DENND1A: variants seen among roughly 807,000 people sequenced by gnomAD.
DENND1A encodes DENN domain containing 1A.
DENND1A carries 51 observed loss-of-function variants against 113.7 expected under a neutral mutation model. The ratio of observed to expected loss-of-function variants is 0.45; its 90% CI spans 0.36 to 0.57. DENND1A has a LOEUF of 0.57. Ranked by LOEUF, DENND1A falls within the 20% of genes least tolerant of loss-of-function variation. The pLI, the probability that DENND1A is intolerant of heterozygous loss-of-function variation, is 0.00. For missense variants in DENND1A, 1,258 were observed against 1,395.9 expected (o/e 0.90, Z 1.57); for synonymous variants, 565 against 570.8 (o/e 0.99, Z 0.14).
intron 2 of DENND1A, among the ~76,000 whole-genome samples, chr9:123,842,244 G>A (rs1470565427): frequency 6.6e-6 from 1 of 152,168 alleles, no homozygotes; most frequent in African/African-American, 2.4e-5. Context: ...AAATTATCTT[G>A]AAGATAAATG....
At chr9:123,418,155 G>A (rs188758994) in intron 19 of DENND1A, among the ~76,000 whole-genome samples, 297 of 152,320 alleles carry the variant, frequency 1.9e-3, no homozygotes, top group African/African-American at 6.9e-3. Context: ...TATGCTCCTA[G>A]GAACAGACAC....
At chr9:123,536,756 CGA>C (rs139570932) in intron 13 of DENND1A, among the ~76,000 whole-genome samples, 2 of 151,232 alleles carry the variant, frequency 1.3e-5, no homozygotes, top group African/African-American at 2.4e-5. Context: ...AGGACAGATA[CGA>C]GAGAGAGAGA....
At chr9:123,444,136 C>T (rs2047132837) in intron 18 of DENND1A, among the ~76,000 whole-genome samples, 1 of 152,186 alleles carries the variant, frequency 6.6e-6, no homozygotes, top group South Asian at 2.1e-4. Context: ...TCATACCCTT[C>T]TCATGGGAAT....
chr9:123,806,555 C>T (rs1835608920), intron 2 of DENND1A, among the ~76,000 whole-genome samples: 1 of 152,174 alleles, frequency 6.6e-6, no homozygotes, highest in African/African-American at 2.4e-5. Context: ...CCGTGCCCAG[C>T]CCTGACATAC....
chr9:123,660,008 T>TA (rs1414885358), intron 8 of DENND1A, among the ~76,000 whole-genome samples: 1 of 152,184 alleles, frequency 6.6e-6, no homozygotes, highest in African/African-American at 2.4e-5. Flanking sequence ...GCTATATATT[T>TA]AAAAAAACAT....
At chr9:123,624,963 T>C (rs2061134258) in intron 10 of DENND1A, among the ~76,000 whole-genome samples, 1 of 152,178 alleles carries the variant, frequency 6.6e-6, no homozygotes. Flanking sequence ...AAAACCATAC[T>C]TTTTCAGTGT....
intron 9 of DENND1A, among the ~76,000 whole-genome samples, chr9:123,637,754 G>C (rs2061779370): frequency 6.6e-6 from 1 of 152,166 alleles, no homozygotes; most frequent in Non-Finnish European, 1.5e-5. Context: ...GAAGGAAAGA[G>C]CAAACAGTGT....
chr9:123,536,761 G>A (rs995945278), intron 13 of DENND1A, among the ~76,000 whole-genome samples: 2 of 152,104 alleles, frequency 1.3e-5, no homozygotes, highest in Non-Finnish European at 2.9e-5. Flanking sequence ...AGATACGAGA[G>A]AGAGAGAGGA....
At chr9:123,887,456 T>A (rs1271175541) in intron 1 of DENND1A, among the ~76,000 whole-genome samples, 3 of 151,872 alleles carry the variant, frequency 2.0e-5, no homozygotes, top group African/African-American at 7.3e-5. Context: ...GGAAGGGTAT[T>A]CACGCACAGC....
At chr9:123,418,682 G>A (rs927971632) in intron 19 of DENND1A, among the ~76,000 whole-genome samples, 1 of 152,206 alleles carries the variant, frequency 6.6e-6, no homozygotes, top group African/African-American at 2.4e-5. Flanking sequence ...GGCACTTTCT[G>A]CTGCCGGTGC....
rs151238010 is a variant in DENND1A at position 123,570,244 on chromosome 9, C to T, written c.868-12549G>A. ...CAAATAATCTCCATACCTGAAGTGG[C>T]TATAGATCTGCCCATCTGGAAGACT... On this transcript the variant is annotated intron_variant, in intron 12 of 23. Transcript: ENST00000394215. 3.8e-3 allele frequency among the ~76,000 whole-genome samples: 579 copies of T among 152,262 alleles called. 1 individual carries two copies. Among genetic ancestry groups the T allele is most frequent in the African/African-American group, 0.013 (557 of 41,538 alleles).
chr9:123,440,435 T>C lies in DENND1A; in HGVS notation c.1413A>G (p.Ala471=). 1 of 1,578,018 alleles carries C rather than the reference T, an allele frequency of 6.3e-7. No individual in the cohort carries two copies. Among genetic ancestry groups the C allele is most frequent in the South Asian group, 1.2e-5 (1 of 85,778 alleles). The change falls in exon 19 of 24, where the codon GCA becomes GCG. Residue 471 remains alanine (A), a synonymous_variant. Transcript: ENST00000394215. ...PTPEEQLPKT[A]PSPLVEAKDP... is the part of the protein sequence containing the mutation. The stretch of plus-strand genomic sequence containing the variant: ...CCTTGGCCTCCACCAGTGGGGACGG[T>C]GCAGTCTTTGGCAGCTGCTCTTCTG...
At chr9:123,649,053 C>T (rs2062499173) in intron 9 of DENND1A, among the ~76,000 whole-genome samples, 1 of 152,182 alleles carries the variant, frequency 6.6e-6, no homozygotes, top group Admixed American at 6.5e-5. Flanking sequence ...GCAACCCATT[C>T]TTTTTTGTCA....
intron 13 of DENND1A, among the ~76,000 whole-genome samples, chr9:123,470,752 C>T (rs368569953): frequency 1.8e-4 from 27 of 152,336 alleles, no homozygotes; most frequent in African/African-American, 6.0e-4. Context: ...GCCCACCCAT[C>T]GCTTGGTGAC....
intron 20 of DENND1A, among the ~76,000 whole-genome samples, chr9:123,404,417 T>C (rs10986009): frequency 6.6e-6 from 1 of 152,176 alleles, no homozygotes; most frequent in Non-Finnish European, 1.5e-5. Context: ...GCTGAGAAAG[T>C]CTATCTCTGA....
Position 123,380,565 on chromosome 9 carries a change from C to T in DENND1A, c.*867G>A, listed in dbSNP as rs1320997376. On this transcript the variant is annotated 3_prime_UTR_variant, in exon 24 of 24. Coordinates refer to ENST00000394215, the MANE Select transcript of DENND1A (RefSeq NM_001352964.2). ...CCTTTTTGGGTTGAAATCTGGGTTG[C>T]AGCTTCTCAGCTTTGCCCACAAAGC... 6.6e-6 allele frequency: 1 copy of T among 152,400 alleles called. No homozygotes were observed. The highest frequency in any genetic ancestry group is 1.5e-5 in the Non-Finnish European group (1 of 68,042). 9.4% of individuals were successfully genotyped at this position (152,400 alleles called of 1,614,324 possible). A position where few individuals can be genotyped will look rare whatever the true frequency, so the allele number is the denominator to read the frequency against.
intron 5 of DENND1A, among the ~76,000 whole-genome samples, chr9:123,740,684 G>T (rs540377672): frequency 9.9e-5 from 15 of 152,068 alleles, no homozygotes; most frequent in South Asian, 2.1e-4. Flanking sequence ...TACAAAGTAG[G>T]CCTCATTATC....
At chr9:123,476,062 G>T (rs1256911749) in intron 13 of DENND1A, among the ~76,000 whole-genome samples, 1 of 152,058 alleles carries the variant, frequency 6.6e-6, no homozygotes, top group Non-Finnish European at 1.5e-5. Flanking sequence ...GTGTACTCCT[G>T]TAATCCCAGC....
At chr9:123,435,777 C>T (rs947231579) in intron 19 of DENND1A, among the ~76,000 whole-genome samples, 1 of 152,242 alleles carries the variant, frequency 6.6e-6, no homozygotes, top group Non-Finnish European at 1.5e-5. Context: ...GAGCTGCACA[C>T]AGCCAAGAGA....
Sources: allele counts gnomAD v4.1 joint callset (sites outside exome capture counted in the v4.1 genomes callset), GRCh38; gene constraint gnomAD v4.1.1; transcripts MANE v1.5; gene names NCBI Gene and HGNC (gene_info 2026-07-23, HGNC 2026-07-21).